The following IMMP2L variants were observed in gnomAD, a reference collection of about 807,000 sequenced individuals.
IMMP2L encodes the protein inner mitochondrial membrane peptidase subunit 2.
In IMMP2L, 18 loss-of-function variants were observed where a neutral mutation model predicts 19.3. The observed-to-expected ratio is 0.93, with a 90% CI of 0.64 to 1.38. The LOEUF (loss-of-function observed/expected upper bound fraction) is 1.38. Ranked by LOEUF, IMMP2L falls within the 40% of genes most tolerant of loss-of-function variation. The probability of loss-of-function intolerance (pLI) is 0.00; values close to 1 mark genes in which losing one functional copy is unlikely to be tolerated. For synonymous variants in IMMP2L, 76 were observed against 73.0 expected (o/e 1.04, Z -0.21); for missense variants, 233 against 218.2 (o/e 1.07, Z -0.43).
intron 5 of IMMP2L, among the ~76,000 whole-genome samples, chr7:110,726,578 A>G (rs1055609342): frequency 2.6e-5 from 4 of 152,234 alleles, no homozygotes; most frequent in African/African-American, 9.6e-5. Context: ...GAAATTAAAA[A>G]GGGGAACTTA....
intron 4 of IMMP2L, chr7:110,963,122 G>T (rs1819145491): frequency 1.3e-6 from 2 of 1,487,748 alleles, no homozygotes; most frequent in Non-Finnish European, 1.8e-6. Context: ...CTTAGTTTCT[G>T]CATTTGCTTC....
At chr7:111,223,339 T>C (rs1237277875) in intron 3 of IMMP2L, among the ~76,000 whole-genome samples, 1 of 151,250 alleles carries the variant, frequency 6.6e-6, no homozygotes, top group East Asian at 1.9e-4. Context: ...CAAACATGGA[T>C]ATATGTTATT....
chr7:111,077,010 C>A (rs540067159), intron 3 of IMMP2L, among the ~76,000 whole-genome samples: 3 of 152,322 alleles, frequency 2.0e-5, no homozygotes, highest in South Asian at 4.1e-4. Flanking sequence ...TGAGCTGAGT[C>A]TCAGGCTCAG....
At chr7:111,137,115 A>G (rs2129596411) in intron 3 of IMMP2L, among the ~76,000 whole-genome samples, 1 of 152,268 alleles carries the variant, frequency 6.6e-6, no homozygotes, top group African/African-American at 2.4e-5. Context: ...TCATGTTGAA[A>G]TGCTGCAAAA....
chr7:110,735,912 G>A (rs547712391), intron 5 of IMMP2L, among the ~76,000 whole-genome samples: 60 of 150,570 alleles, frequency 4.0e-4, no homozygotes, highest in Non-Finnish European at 7.7e-4. Flanking sequence ...GAGATTGTTG[G>A]GGCTGCCACT....
At chr7:110,783,491 T>G (rs1799876228) in intron 5 of IMMP2L, among the ~76,000 whole-genome samples, 2 of 151,906 alleles carry the variant, frequency 1.3e-5, no homozygotes, top group Non-Finnish European at 2.9e-5. Flanking sequence ...AATGTTCACA[T>G]GTTGAAATAT....
intron 3 of IMMP2L, among the ~76,000 whole-genome samples, chr7:111,078,170 T>C (rs1227314689): frequency 6.6e-6 from 1 of 152,244 alleles, no homozygotes; most frequent in Non-Finnish European, 1.5e-5. Flanking sequence ...GTGACTTTAT[T>C]TTTCACCTTT....
intron 3 of IMMP2L, among the ~76,000 whole-genome samples, chr7:111,198,888 A>G (rs1809794567): frequency 6.6e-6 from 1 of 152,114 alleles, no homozygotes. Flanking sequence ...TTTACCAAAA[A>G]CTACCAATTG....
At chr7:110,845,301 T>G (rs554760057) in intron 5 of IMMP2L, among the ~76,000 whole-genome samples, 1 of 152,294 alleles carries the variant, frequency 6.6e-6, no homozygotes, top group East Asian at 1.9e-4. Flanking sequence ...AATTTATTTT[T>G]GTTCCTGAGA....
At chr7:110,669,027 ATGTG>A (rs1157990003) in intron 5 of IMMP2L, among the ~76,000 whole-genome samples, 4 of 17,964 alleles carry the variant, frequency 2.2e-4, no homozygotes, top group African/African-American at 2.6e-4. Context: ...AACCAACAGT[ATGTG>A]TGTGTGTGTG....
chr7:110,705,081 A>C (rs1794556920), intron 5 of IMMP2L, among the ~76,000 whole-genome samples: 1 of 148,058 alleles, frequency 6.8e-6, no homozygotes, highest in South Asian at 2.2e-4. Flanking sequence ...TTAAAAGGAG[A>C]TTAAACTGGA....
intron 3 of IMMP2L, among the ~76,000 whole-genome samples, chr7:111,218,125 A>C (rs1025293172): frequency 6.6e-6 from 1 of 152,110 alleles, no homozygotes; most frequent in African/African-American, 2.4e-5. Flanking sequence ...CTCTTTCCCT[A>C]TATATGAATT....
chr7:111,253,729 GC>G (rs1292637988), intron 3 of IMMP2L, among the ~76,000 whole-genome samples: 14 of 152,062 alleles, frequency 9.2e-5, no homozygotes, highest in Non-Finnish European at 1.8e-4. Flanking sequence ...ATGTGTTAAG[GC>G]TCTCAAAGAC....
intron 5 of IMMP2L, among the ~76,000 whole-genome samples, chr7:110,789,852 T>C (rs1259444573): frequency 6.6e-6 from 1 of 151,592 alleles, no homozygotes; most frequent in Non-Finnish European, 1.5e-5. Context: ...GGAATGTACT[T>C]ACCCCAAATA....
intron 3 of IMMP2L, among the ~76,000 whole-genome samples, chr7:111,408,122 G>C (rs1001133507): frequency 6.6e-6 from 1 of 151,792 alleles, no homozygotes; most frequent in Admixed American, 6.6e-5. Flanking sequence ...CTAAGCAACA[G>C]CACTTATCTA....
At chr7:111,194,197 T>G (rs1586769804) in intron 3 of IMMP2L, among the ~76,000 whole-genome samples, 1 of 152,166 alleles carries the variant, frequency 6.6e-6, no homozygotes, top group East Asian at 1.9e-4. Context: ...AACCAGATCT[T>G]TTCAGGGTTC....
At chr7:111,232,725 A>G (rs1813850490) in intron 3 of IMMP2L, among the ~76,000 whole-genome samples, 1 of 152,048 alleles carries the variant, frequency 6.6e-6, no homozygotes, top group Non-Finnish European at 1.5e-5. Flanking sequence ...TAAAATGAAA[A>G]TGTGATTAGA....
At chr7:111,130,971 C>A (rs1801788659) in intron 3 of IMMP2L, among the ~76,000 whole-genome samples, 1 of 151,800 alleles carries the variant, frequency 6.6e-6, no homozygotes, top group African/African-American at 2.4e-5. Flanking sequence ...AAACAAAATT[C>A]TAGTACAGAA....
rs138173619 is a variant in IMMP2L, at chr7:111,122,663, T to C, written c.240-159098A>G. ...AAACTTTGTGGTTCTATGGCATTCA[T>C]CATTTGACAAATGCAAGCATCTTCC... On this transcript the variant is annotated intron_variant, in intron 3 of 5. Transcript: ENST00000405709. 1,541 of 848,876 alleles carry C rather than the reference T, an allele frequency of 1.8e-3. 8 individuals are homozygous for C. Among genetic ancestry groups the C allele is most frequent in the Non-Finnish European group, 1.1e-3 (574 of 536,914 alleles). 52.6% of individuals were successfully genotyped at this position (848,876 alleles called of 1,614,324 possible).
Sources: allele counts gnomAD v4.1 joint callset (sites outside exome capture counted in the v4.1 genomes callset), GRCh38; gene constraint gnomAD v4.1.1; transcripts MANE v1.5; gene names NCBI Gene and HGNC (gene_info 2026-07-23, HGNC 2026-07-21).